NCAPG2: variants seen among roughly 807,000 people sequenced by gnomAD.
The protein encoded by NCAPG2 is non-SMC condensin II complex subunit G2, also known as condensin-2 complex subunit G2.
A neutral mutation model predicts 141.1 loss-of-function variants in NCAPG2; 53 were observed. The observed-to-expected ratio is 0.38, with a 90% CI of 0.30 to 0.47. The LOEUF (loss-of-function observed/expected upper bound fraction) is 0.47. Ranked by LOEUF, NCAPG2 falls within the 20% of genes least tolerant of loss-of-function variation. The pLI is 0.99. For synonymous variants in NCAPG2, 499 were observed against 490.7 expected (o/e 1.02, Z -0.22); for missense variants, 1,087 against 1,389.0 (o/e 0.78, Z 3.46).
chr7:158,650,370 T>G (rs1026728343), intron 24 of NCAPG2, among the ~76,000 whole-genome samples: 4 of 152,196 alleles, frequency 2.6e-5, no homozygotes, highest in African/African-American at 4.8e-5. Context: ...AGGTTGAACA[T>G]CCTAGCTTAG....
At chr7:158,645,490 T>C in intron 26 of NCAPG2, 29 bp downstream of exon 26, 2 of 1,597,918 alleles carry the variant, frequency 1.3e-6, no homozygotes, top group Non-Finnish European at 1.7e-6. Flanking sequence ...CCAGCCACCT[T>C]CCAGATGACA....
chr7:158,677,602 A>C (rs34525750), intron 11 of NCAPG2, among the ~76,000 whole-genome samples: 75,985 of 147,238 alleles, frequency 0.52, 20,685 homozygotes, highest in Non-Finnish European at 0.6. Flanking sequence ...AGAAGTTTTT[A>C]TACATTTTGT....
At chr7:158,667,072 T>A in intron 13 of NCAPG2, 2 of 944,418 alleles carry the variant, frequency 2.1e-6, no homozygotes, top group Non-Finnish European at 2.5e-6. Flanking sequence ...GACTGCCTCT[T>A]ATACTCATGT....
intron 23 of NCAPG2, among the ~76,000 whole-genome samples, 164 bp from the exon 24 acceptor site, chr7:158,651,136 C>G (rs1831460268): frequency 6.6e-6 from 1 of 152,172 alleles, no homozygotes. Context: ...CACTCCCAGG[C>G]TGACTCAAAC....
Position 158,656,665 on chromosome 7 carries a change from C to A in NCAPG2, c.2101G>T (p.Ala701Ser). ...ISTLRSREEGAVDKSYCTLLD... is the reference protein window; with the variant it reads ...ISTLRSREEGSVDKSYCTLLD... ...AAAGTGCAGTAGCTCTTGTCCACAGCGCCCTCCTCCCGGCTTCTCAGCGTG... is the reference window on the plus strand; with the variant it reads ...AAAGTGCAGTAGCTCTTGTCCACAGAGCCCTCCTCCCGGCTTCTCAGCGTG... The change falls in exon 18 of 28, where the codon GCT becomes TCT. Residue 701 changes from alanine (A) to serine (S), a missense_variant. By Grantham distance (99) the Ala-to-Ser change is moderately conservative. Coordinates refer to ENST00000356309, the MANE Select transcript of NCAPG2 (RefSeq NM_017760.7). 1.2e-6 allele frequency: 2 copies of A among 1,614,106 alleles called. No individual in the cohort carries two copies. The highest frequency in any genetic ancestry group is 1.3e-5 in the African/African-American group (1 of 75,046).
At chr7:158,698,699 C>A (rs1347376514) in intron 2 of NCAPG2, among the ~76,000 whole-genome samples, 1 of 152,184 alleles carries the variant, frequency 6.6e-6, no homozygotes, top group Non-Finnish European at 1.5e-5. Flanking sequence ...ACTGTACCAA[C>A]TCTGTTCAAA....
chr7:158,666,424 A>G (rs1832942017), intron 13 of NCAPG2, among the ~76,000 whole-genome samples: 1 of 152,184 alleles, frequency 6.6e-6, no homozygotes, highest in Non-Finnish European at 1.5e-5. Context: ...TGTCAAGCAC[A>G]GAACCAAGTG....
intron 11 of NCAPG2, among the ~76,000 whole-genome samples, chr7:158,676,378 G>A (rs748249065): frequency 2.8e-4 from 43 of 152,286 alleles, no homozygotes; most frequent in African/African-American, 1.0e-3. Context: ...AAGAGAGCTC[G>A]TGGTCCAGGA....
At chr7:158,693,582 G>A (rs890699287) in intron 2 of NCAPG2, 85 bp from the exon 3 acceptor site, 74 of 1,181,516 alleles carry the variant, frequency 6.3e-5, no homozygotes, top group Non-Finnish European at 3.7e-5. Flanking sequence ...GAAAAGTTAA[G>A]TGTTAACTTC....
chr7:158,667,454 C>T (rs1472683385), intron 13 of NCAPG2, among the ~76,000 whole-genome samples: 2 of 142,288 alleles, frequency 1.4e-5, no homozygotes, highest in Non-Finnish European at 1.5e-5. Context: ...ACTACTGGGT[C>T]CCTCCGCCCG....
At chr7:158,668,783 AG>A (rs1563544353) in intron 13 of NCAPG2, among the ~76,000 whole-genome samples, 1 of 152,320 alleles carries the variant, frequency 6.6e-6, no homozygotes, top group East Asian at 1.9e-4. Flanking sequence ...TTTTAAGTTC[AG>A]GGGTACAAAT....
At position 158,660,436 on chromosome 7, in the gene NCAPG2, G is replaced by A. The variant is rs561037772; in HGVS notation, c.1989+1758C>T. On this transcript the variant is annotated intron_variant, in intron 16 of 27. Coordinates refer to ENST00000356309, the MANE Select transcript of NCAPG2 (RefSeq NM_017760.7). Reference sequence around the variant, plus strand: ...TTTTTTTTTTTTTTTTTTTAAAAGAGGCAGGGTCTCACTCTGTTGCCAGGG... The same window carrying A: ...TTTTTTTTTTTTTTTTTTTAAAAGAAGCAGGGTCTCACTCTGTTGCCAGGG... Among the ~76,000 whole-genome samples the A allele has an allele frequency of 7.7e-5, 9 of 117,194 alleles. No individual in the cohort carries two copies. The East Asian group carries it at 3.1e-3, about 40-fold the overall frequency. 76.9% of individuals were successfully genotyped at this position (117,194 alleles called of 152,430 possible).
At chr7:158,664,363 T>G (rs1357608761) in intron 14 of NCAPG2, 67 bp from the exon 15 acceptor site, 89 of 1,532,108 alleles carry the variant, frequency 5.8e-5, no homozygotes, top group Non-Finnish European at 7.2e-5. Flanking sequence ...TATCTGATAG[T>G]GAAATTATAA....
At chr7:158,681,678 G>A (rs1490689227) in intron 9 of NCAPG2, among the ~76,000 whole-genome samples, 1 of 152,056 alleles carries the variant, frequency 6.6e-6, no homozygotes, top group African/African-American at 2.4e-5. Flanking sequence ...TGCTTTTTGT[G>A]TACAATACTA....
At chr7:158,701,561 A>C (rs1236859530) in intron 2 of NCAPG2, among the ~76,000 whole-genome samples, 1 of 152,256 alleles carries the variant, frequency 6.6e-6, no homozygotes, top group African/African-American at 2.4e-5. Flanking sequence ...TCTAGTCTTC[A>C]GAGTGACCTT....
chr7:158,644,267 C>A, intron 27 of NCAPG2, 22 bp downstream of exon 27: 1 of 1,557,704 alleles, frequency 6.4e-7, no homozygotes, highest in Non-Finnish European at 8.9e-7. Context: ...ATGATCACAT[C>A]TGGTGAATAT....
chr7:158,666,097 C>T (rs1229700408), intron 13 of NCAPG2, among the ~76,000 whole-genome samples: 1 of 152,220 alleles, frequency 6.6e-6, no homozygotes, highest in Non-Finnish European at 1.5e-5. Context: ...CAAGAATCTT[C>T]TGCCAAACCT....
intron 6 of NCAPG2, among the ~76,000 whole-genome samples, chr7:158,688,497 C>T (rs1834918778): frequency 1.3e-5 from 2 of 152,200 alleles, no homozygotes; most frequent in South Asian, 4.1e-4. Flanking sequence ...TCTCCCATTT[C>T]AGAACAATCC....
chr7:158,642,901 A>G (rs964792368), intron 27 of NCAPG2, among the ~76,000 whole-genome samples: 1 of 152,114 alleles, frequency 6.6e-6, no homozygotes, highest in African/African-American at 2.4e-5. Context: ...CAGCTTCCAG[A>G]GTAGCTGGGA....
Sources: allele counts gnomAD v4.1 joint callset (sites outside exome capture counted in the v4.1 genomes callset), GRCh38; gene constraint gnomAD v4.1.1; transcripts MANE v1.5; gene names NCBI Gene and HGNC (gene_info 2026-07-23, HGNC 2026-07-21).